NDUFA10: variants seen among roughly 807,000 people sequenced by gnomAD.
NDUFA10 encodes NADH:ubiquinone oxidoreductase subunit A10.
In NDUFA10, 40 loss-of-function variants were observed where a neutral mutation model predicts 47.8. The observed-to-expected ratio is 0.84, with a 90% CI of 0.65 to 1.09. NDUFA10 has a LOEUF of 1.09. Ranked by LOEUF, NDUFA10 falls within the 50% of genes least tolerant of loss-of-function variation. The pLI, the probability that NDUFA10 is intolerant of heterozygous loss-of-function variation, is 0.00. For synonymous variants in NDUFA10, 183 were observed against 172.2 expected (o/e 1.06, Z -0.49); for missense variants, 413 against 451.1 (o/e 0.92, Z 0.76).
chr2:239,972,175 G>A (rs1695330456), intron 9 of NDUFA10, among the ~76,000 whole-genome samples: 1 of 150,668 alleles, frequency 6.6e-6, no homozygotes, highest in South Asian at 2.1e-4. Flanking sequence ...GTGTGTACAT[G>A]TATACATATA....
downstream of NDUFA10, among the ~76,000 whole-genome samples, chr2:239,955,978 C>A (rs559671051): frequency 2.0e-5 from 3 of 151,962 alleles, no homozygotes; most frequent in Non-Finnish European, 4.4e-5. Flanking sequence ...GAGGCAGGGG[C>A]GACAGCAGGG....
intron 5 of NDUFA10, chr2:240,013,487 T>A (rs1437691325): frequency 1.3e-5 from 2 of 152,254 alleles, no homozygotes; most frequent in Non-Finnish European, 2.9e-5. Flanking sequence ...GTCCAGTTAG[T>A]CCACTGAGAA....
chr2:239,916,312 C>T (rs1425521518), intron 4 of NDUFA10, among the ~76,000 whole-genome samples: 1 of 151,610 alleles, frequency 6.6e-6, no homozygotes, highest in Non-Finnish European at 1.5e-5. Context: ...CACACAGACA[C>T]AGATACACAA....
At chr2:240,004,525 C>G (rs554320258) in intron 8 of NDUFA10, among the ~76,000 whole-genome samples, 4 of 150,658 alleles carry the variant, frequency 2.7e-5, no homozygotes, top group African/African-American at 4.8e-5. Flanking sequence ...AGTCCTACCC[C>G]CTTCTGCAGT....
At chr2:239,904,491 C>T (rs1190962606) in intron 4 of NDUFA10, among the ~76,000 whole-genome samples, 2 of 152,124 alleles carry the variant, frequency 1.3e-5, no homozygotes, top group East Asian at 1.9e-4. Context: ...GTTGGGGTTT[C>T]GCCATGTTGG....
At chr2:239,935,280 C>T (rs4241307) in intron 4 of NDUFA10, among the ~76,000 whole-genome samples, 45,814 of 152,100 alleles carry the variant, frequency 0.3, 7,128 homozygotes, top group East Asian at 0.34. Flanking sequence ...ACCCAAAGGC[C>T]ACTCAAACAC....
At chr2:239,940,146 C>T (rs1694338112) in intron 4 of NDUFA10, among the ~76,000 whole-genome samples, 1 of 152,254 alleles carries the variant, frequency 6.6e-6, no homozygotes, top group Admixed American at 6.5e-5. Context: ...TCCGGCTTTG[C>T]AGGCCATACA....
intron 4 of NDUFA10, among the ~76,000 whole-genome samples, chr2:239,951,030 G>A (rs571671767): frequency 1.1e-4 from 16 of 152,352 alleles, no homozygotes; most frequent in South Asian, 8.3e-4. Context: ...TGGAAGGAGT[G>A]CAGAAGGGCC....
Position 239,959,763 on chromosome 2 carries a change from G to A in NDUFA10, c.*1355C>T. The A allele has an allele frequency of 4.1e-6, 3 of 730,240 alleles. No homozygotes were observed. The highest frequency in any genetic ancestry group is 5.0e-6 in the Non-Finnish European group (3 of 597,412). The allele number at this position is 730,240 out of a possible 1,614,324, so 45.2% of individuals were successfully genotyped here. ...AGAGAAGGAGGGAAGGAAAGAGGCA[G>A]GGAGGAAGGGAAGGGAGGAAAACAA... On this transcript the variant is annotated 3_prime_UTR_variant, in exon 10 of 10. Coordinates refer to ENST00000252711, the MANE Select transcript of NDUFA10 (RefSeq NM_004544.4).
chr2:239,978,324 T>C (rs1278649234), intron 9 of NDUFA10, among the ~76,000 whole-genome samples: 1 of 152,208 alleles, frequency 6.6e-6, no homozygotes. Flanking sequence ...GGTTCACCTA[T>C]GACCTGGTCA....
intron 4 of NDUFA10, among the ~76,000 whole-genome samples, chr2:239,924,325 C>T (rs1330763284): frequency 1.3e-5 from 2 of 151,962 alleles, no homozygotes; most frequent in Non-Finnish European, 2.9e-5. Context: ...TCAAACATCA[C>T]ATTAAAAAAA....
intron 9 of NDUFA10, among the ~76,000 whole-genome samples, chr2:239,978,173 T>C (rs1322159038): frequency 6.6e-6 from 1 of 152,138 alleles, no homozygotes; most frequent in Admixed American, 6.5e-5. Flanking sequence ...CTCTCTTGCA[T>C]CTTTTCCCTC....
At position 239,987,137 on chromosome 2, in the gene NDUFA10, T is replaced by C. The variant is rs1244262225; in HGVS notation, c.999+2937A>G. Among the ~76,000 whole-genome samples, 2 of 152,180 alleles carry C rather than the reference T, an allele frequency of 1.3e-5. No homozygotes were observed. The highest frequency in any genetic ancestry group is 2.9e-5 in the Non-Finnish European group (2 of 68,024). ...CATGGCTAGGATAAATGACTGCTCA[T>C]GAAGAGGGCCTATGGATTGGACAGC... On this transcript the variant is annotated intron_variant, in intron 9 of 9. Coordinates refer to ENST00000252711, the MANE Select transcript of NDUFA10 (RefSeq NM_004544.4). The surrounding 1 kb of genome is among the most constrained non-coding windows in gnomAD (Gnocchi z 4.8).
At chr2:240,019,076 G>A (rs1456696876) in intron 3 of NDUFA10, among the ~76,000 whole-genome samples, 1 of 152,094 alleles carries the variant, frequency 6.6e-6, no homozygotes, top group Non-Finnish European at 1.5e-5. Flanking sequence ...GTGCAGCTCA[G>A]AGCACTAGTC....
chr2:239,964,013 G>T (rs952405215), intron 9 of NDUFA10, among the ~76,000 whole-genome samples: 1 of 152,182 alleles, frequency 6.6e-6, no homozygotes, highest in South Asian at 2.1e-4. Context: ...TGAGGAAGGG[G>T]ACACAACACC....
chr2:240,017,793 G>A (rs1431100568), intron 4 of NDUFA10: 9 of 1,541,902 alleles, frequency 5.8e-6, no homozygotes, highest in South Asian at 3.6e-5. Context: ...AGAAGCAGGC[G>A]CCTCCTCCAC....
At chr2:239,935,915 T>C (rs551867099) in intron 4 of NDUFA10, among the ~76,000 whole-genome samples, 1 of 152,370 alleles carries the variant, frequency 6.6e-6, no homozygotes, top group Non-Finnish European at 1.5e-5. Flanking sequence ...GGTATGTCTT[T>C]ATTGGCAGCG....
chr2:239,934,416 A>G (rs1205007511), intron 4 of NDUFA10, among the ~76,000 whole-genome samples: 3 of 135,768 alleles, frequency 2.2e-5, no homozygotes, highest in African/African-American at 8.5e-5. Context: ...CACTCTGCAC[A>G]TGTGGCATGA....
rs1230897843 is a variant in NDUFA10, at chr2:239,928,784, T to TATAC, written c.295-33471_295-33470insGTAT. 6.6e-6 allele frequency among the ~76,000 whole-genome samples: 1 copy of TATAC among 152,104 alleles called. No individual in the cohort carries two copies. Among genetic ancestry groups the TATAC allele is most frequent in the Non-Finnish European group, 1.5e-5 (1 of 68,020 alleles). ...CCCTGCAGCGTCCCTTCCAAACAGGTGGTATCCGTGTTCCAAGCAGCCCAG... is the reference window on the plus strand; with the variant it reads ...CCCTGCAGCGTCCCTTCCAAACAGGTATACGGTATCCGTGTTCCAAGCAGCCCAG... On this transcript the variant is annotated intron_variant, in intron 4 of 5. Coordinates refer to the NDUFA10 transcript ENST00000419408. The surrounding 1 kb of genome is among the most constrained non-coding windows in gnomAD (Gnocchi z 4.3).
Sources: gnomAD v4.1 joint callset for allele counts (sites outside exome capture counted in the v4.1 genomes callset) on GRCh38, gnomAD v4.1.1 for gene constraint, Gnocchi (gnomAD v3.1) non-coding constraint, MANE v1.5 for transcripts, NCBI Gene and HGNC (gene_info 2026-07-23, HGNC 2026-07-21) for gene names.